Variants in RAB27B observed in about 807,000 individuals in gnomAD.
RAB27B encodes ras-related protein Rab-27B.
Under a neutral mutation model 24.6 loss-of-function variants are expected in RAB27B, and 15 were observed. That is an observed-to-expected ratio of 0.61 (90% CI 0.41 to 0.94). The LOEUF (loss-of-function observed/expected upper bound fraction) is 0.94, where lower values mean the gene tolerates loss of function less well. Among genes scored for constraint, RAB27B ranks in the 40% least tolerant of loss-of-function variants. RAB27B has a pLI of 0.00. For synonymous variants in RAB27B, 105 were observed against 92.5 expected (o/e 1.14, Z -0.78); for missense variants, 261 against 266.8 (o/e 0.98, Z 0.15).
At chr18:54,861,791 G>A (rs1912020179) in intron 1 of RAB27B, among the ~76,000 whole-genome samples, 1 of 152,146 alleles carries the variant, frequency 6.6e-6, no homozygotes, top group Non-Finnish European at 1.5e-5. Context: ...AAGCAGCCAA[G>A]TTTGAGAACC....
rs574917049 is a variant in RAB27B, at chr18:54,778,556, A to G, written c.-20+60415A>G. 5.9e-5 allele frequency among the ~76,000 whole-genome samples: 9 copies of G among 152,288 alleles called. No homozygotes were observed. In the East Asian group the frequency reaches 1.7e-3, roughly 29 times the overall value. ...GTACTGAGCTTCTGCTTTGTGCCAG[A>G]CAATTTGCTTGGTTCTAGGGATGAA... On this transcript the variant is annotated intron_variant, in intron 2 of 4. Coordinates refer to the RAB27B transcript ENST00000586570.
Position 54,832,029 on chromosome 18 carries a change from C to T in RAB27B, c.-20+3329C>T, listed in dbSNP as rs556934109. Among the ~76,000 whole-genome samples the T allele has an allele frequency of 2.4e-4, 37 of 152,254 alleles. 1 individual carries two copies. In the South Asian group the frequency reaches 7.7e-3, roughly 32 times the overall value. On this transcript the variant is annotated intron_variant, in intron 1 of 5. Transcript: ENST00000262094. ...GACCTCATGATCTGCCTACCTTGGCCTCCCAAAGTGCTGGGATTACAGATG... is the reference window on the plus strand; with the variant it reads ...GACCTCATGATCTGCCTACCTTGGCTTCCCAAAGTGCTGGGATTACAGATG...
At chr18:54,760,191 C>T (rs1908140413) in intron 2 of RAB27B, among the ~76,000 whole-genome samples, 1 of 152,188 alleles carries the variant, frequency 6.6e-6, no homozygotes, top group Non-Finnish European at 1.5e-5. Flanking sequence ...GCCCCTGCAC[C>T]CACTTACCTA....
intron 2 of RAB27B, among the ~76,000 whole-genome samples, chr18:54,761,189 T>C (rs1226869906): frequency 6.6e-6 from 1 of 152,092 alleles, no homozygotes; most frequent in Non-Finnish European, 1.5e-5. Context: ...CTGAGCCCCA[T>C]TGTAGTTTTT....
chr18:54,778,463 A>G (rs778833238), intron 2 of RAB27B, among the ~76,000 whole-genome samples: 3 of 152,338 alleles, frequency 2.0e-5, no homozygotes, highest in Non-Finnish European at 2.9e-5. Flanking sequence ...GGAGATAACA[A>G]TACCTGCAGA....
chr18:54,728,989 AATATCTGAGT>A (rs1909643115), intron 2 of RAB27B, among the ~76,000 whole-genome samples: 1 of 144,990 alleles, frequency 6.9e-6, no homozygotes, highest in Non-Finnish European at 1.5e-5. Context: ...AGAAATCTTA[AATATCTGAGT>A]ATACAACATG....
At chr18:54,743,934 A>G (rs1910150676) in intron 2 of RAB27B, among the ~76,000 whole-genome samples, 1 of 152,214 alleles carries the variant, frequency 6.6e-6, no homozygotes, top group Admixed American at 6.5e-5. Context: ...GAGATATCAC[A>G]TCACAGTCCA....
Position 54,828,500 on chromosome 18 carries a change from G to C in RAB27B, c.-220G>C, listed in dbSNP as rs1274511111. 6.6e-6 allele frequency: 1 copy of C among 152,346 alleles called. No individual in the cohort carries two copies. Among genetic ancestry groups the C allele is most frequent in the East Asian group, 1.9e-4 (1 of 5,176 alleles). 9.4% of individuals were successfully genotyped at this position (152,346 alleles called of 1,614,324 possible). ...CCACTCGCAGTCCTGACGGGCAGGG[G>C]CTGCGGACCGCCCGGCCTTGGACCC... On this transcript the variant is annotated 5_prime_UTR_variant, in exon 1 of 6. Coordinates refer to ENST00000262094, the MANE Select transcript of RAB27B (RefSeq NM_004163.4).
At chr18:54,848,770 G>C (rs1598957407) in intron 1 of RAB27B, among the ~76,000 whole-genome samples, 1 of 152,098 alleles carries the variant, frequency 6.6e-6, no homozygotes, top group Non-Finnish European at 1.5e-5. Context: ...GGTATGGCGG[G>C]GAGAGGGGAT....
In RAB27B at chr18:54,756,074, A is replaced by G. The variant is rs754494588; in HGVS notation, c.-20+37933A>G. Reference sequence around the variant, plus strand: ...TCTCTATACAAAAGTGAAAACATCTATCACTGAATAATAAAGAATCATAAC... The same window carrying G: ...TCTCTATACAAAAGTGAAAACATCTGTCACTGAATAATAAAGAATCATAAC... On this transcript the variant is annotated intron_variant, in intron 2 of 4. Coordinates refer to the RAB27B transcript ENST00000586570. Among the ~76,000 whole-genome samples the G allele has an allele frequency of 4.6e-5, 7 of 152,334 alleles. No individual in the cohort carries two copies. In the South Asian group the frequency reaches 8.3e-4, roughly 18 times the overall value.
At chr18:54,852,138 A>T (rs1911612192) in intron 1 of RAB27B, among the ~76,000 whole-genome samples, 1 of 152,210 alleles carries the variant, frequency 6.6e-6, no homozygotes, top group South Asian at 2.1e-4. Flanking sequence ...TGTTACAAAG[A>T]AATGCAAAGG....
intron 2 of RAB27B, among the ~76,000 whole-genome samples, chr18:54,735,082 C>T (rs1909848681): frequency 1.3e-5 from 2 of 152,182 alleles, no homozygotes; most frequent in African/African-American, 4.8e-5. Context: ...TAAAACTGGC[C>T]AATATCTACC....
At chr18:54,736,501 G>T (rs1909897926) in intron 2 of RAB27B, among the ~76,000 whole-genome samples, 1 of 151,930 alleles carries the variant, frequency 6.6e-6, no homozygotes, top group African/African-American at 2.4e-5. Context: ...TAGCTATTAG[G>T]TGCCTATTAC....
At chr18:54,838,148 A>G (rs1910966744) in intron 1 of RAB27B, among the ~76,000 whole-genome samples, 1 of 152,180 alleles carries the variant, frequency 6.6e-6, no homozygotes, top group Admixed American at 6.5e-5. Context: ...CACTAAATTG[A>G]TAACACTTTT....
intron 2 of RAB27B, among the ~76,000 whole-genome samples, chr18:54,788,505 G>A (rs540033104): frequency 1.3e-5 from 2 of 152,234 alleles, no homozygotes; most frequent in African/African-American, 2.4e-5. Flanking sequence ...GTTTCACCAT[G>A]TTGGCCATGT....
At chr18:54,880,060 A>T (rs1011181547) in intron 3 of RAB27B, 1 of 152,240 alleles carries the variant, frequency 6.6e-6, no homozygotes. Flanking sequence ...TACTGCAGAC[A>T]CCGGTTATTT....
At chr18:54,887,504 A>G (rs1598997995) in intron 4 of RAB27B, among the ~76,000 whole-genome samples, 1 of 152,102 alleles carries the variant, frequency 6.6e-6, no homozygotes, top group East Asian at 1.9e-4. Context: ...CCCTTAACCA[A>G]GAATAGCACA....
chr18:54,751,606 A>G (rs760451274), intron 2 of RAB27B, among the ~76,000 whole-genome samples: 11 of 152,290 alleles, frequency 7.2e-5, no homozygotes, highest in Admixed American at 1.3e-4. Flanking sequence ...GAATGTAGCA[A>G]TGCCCCTACA....
At chr18:54,814,573 A>G (rs914820667) in intron 2 of RAB27B, among the ~76,000 whole-genome samples, 2 of 152,164 alleles carry the variant, frequency 1.3e-5, no homozygotes, top group South Asian at 4.1e-4. Context: ...TTTTAAAAAT[A>G]TTTTTAACAA....
Sources: allele counts gnomAD v4.1 joint callset (sites outside exome capture counted in the v4.1 genomes callset), GRCh38; gene constraint gnomAD v4.1.1; transcripts MANE v1.5; gene names NCBI Gene and HGNC (gene_info 2026-07-23, HGNC 2026-07-21).